The following UGT1A8 variants were observed in gnomAD, a reference collection of about 807,000 sequenced individuals.
UGT1A8 encodes UDP-glucuronosyltransferase 1A8.
A neutral mutation model predicts 45.3 loss-of-function variants in UGT1A8; 39 were observed. The ratio of observed to expected loss-of-function variants is 0.86; its 90% confidence interval spans 0.67 to 1.12. The LOEUF (loss-of-function observed/expected upper bound fraction) is 1.12. Ranked by LOEUF, UGT1A8 falls within the 50% of genes most tolerant of loss-of-function variation. The probability of loss-of-function intolerance (pLI) is 0.00; values close to 1 mark genes in which losing one functional copy is unlikely to be tolerated. For synonymous variants in UGT1A8, 275 were observed against 249.2 expected, an observed-to-expected ratio of 1.10 and a Z score of -0.97; for missense variants, 719 against 664.9, an observed-to-expected ratio of 1.08 and a Z score of -0.90.
At chr2:233,684,518 AT>A (rs1229903576) in intron 1 of UGT1A8, among the ~76,000 whole-genome samples, 3 of 152,210 alleles carry the variant, frequency 2.0e-5, no homozygotes, top group Non-Finnish European at 2.9e-5. Context: ...TGTAGAAATT[AT>A]ATATGATTCT....
At chr2:233,679,958 G>T (rs2074468382) in intron 1 of UGT1A8, among the ~76,000 whole-genome samples, 1 of 152,112 alleles carries the variant, frequency 6.6e-6, no homozygotes, top group Non-Finnish European at 1.5e-5. Flanking sequence ...TTTGGCTCCT[G>T]CTGGCATAGC....
intron 1 of UGT1A8, chr2:233,729,151 C>T (rs780105483): frequency 1.2e-6 from 2 of 1,613,562 alleles, no homozygotes; most frequent in Non-Finnish European, 1.7e-6. Flanking sequence ...CCAGGTTCCC[C>T]TGCCGTGGCT....
intron 1 of UGT1A8, among the ~76,000 whole-genome samples, chr2:233,677,531 G>C (rs577920647): frequency 5.6e-4 from 85 of 152,158 alleles, no homozygotes; most frequent in Non-Finnish European, 1.0e-3. Flanking sequence ...AATGCAGCTA[G>C]CTAGAGAAAA....
chr2:233,763,255 TTTGTC>T (rs2126002913), intron 1 of UGT1A8, among the ~76,000 whole-genome samples: 2 of 152,364 alleles, frequency 1.3e-5, no homozygotes, highest in Non-Finnish European at 2.9e-5. Context: ...AGTAACCTGT[TTTGTC>T]TTGTTGCATG....
chr2:233,624,625 G>A (rs1011728203), intron 1 of UGT1A8, among the ~76,000 whole-genome samples: 1 of 152,036 alleles, frequency 6.6e-6, no homozygotes, highest in Non-Finnish European at 1.5e-5. Flanking sequence ...TTGAAATGAG[G>A]TAGTGTTACC....
chr2:233,729,484 A>C, intron 1 of UGT1A8: 1 of 1,614,190 alleles, frequency 6.2e-7, no homozygotes, highest in Non-Finnish European at 8.5e-7. Context: ...GTTGAACAAT[A>C]TGTCTTTGGT....
intron 1 of UGT1A8, chr2:233,730,108 C>T (rs1261016305): frequency 1.3e-6 from 2 of 1,570,456 alleles, no homozygotes; most frequent in Non-Finnish European, 1.7e-6. Flanking sequence ...TTCATTTCTG[C>T]TTCTCCTTGT....
At chr2:233,755,761 TG>T (rs1696013090) in intron 1 of UGT1A8, 1 of 152,946 alleles carries the variant, frequency 6.5e-6, no homozygotes, top group South Asian at 2.1e-4. Flanking sequence ...CATTTGCTTT[TG>T]TTCATCTGGA....
intron 1 of UGT1A8, among the ~76,000 whole-genome samples, chr2:233,631,631 G>GTCTTC (rs1321989975): frequency 6.6e-6 from 1 of 152,092 alleles, no homozygotes; most frequent in East Asian, 1.9e-4. Flanking sequence ...TTGTATAAAT[G>GTCTTC]TCTTCTTTTG....
chr2:233,630,718 T>A (rs1410103716), intron 1 of UGT1A8, among the ~76,000 whole-genome samples: 2 of 151,754 alleles, frequency 1.3e-5, no homozygotes, highest in African/African-American at 4.8e-5. Context: ...TGGCACATAC[T>A]TTTTTATTTT....
In UGT1A8 at chr2:233,766,922, G is replaced by A. The variant is rs955173337; in HGVS notation, c.856-112G>A. The A allele has an allele frequency of 8.3e-6, 13 of 1,559,654 alleles. No individual in the cohort carries two copies. The Middle Eastern group carries it at 1.0e-3, about 123-fold the overall frequency. On this transcript the variant is annotated intron_variant, in intron 1 of 4. Transcript: ENST00000373450. ...TAATTTTTTACTCTATCTCAAACAC[G>A]CATGCCTTTAATCATAGTCTTAAGA...
chr2:233,762,171 C>T (rs564011835), intron 1 of UGT1A8, among the ~76,000 whole-genome samples: 29 of 152,266 alleles, frequency 1.9e-4, no homozygotes, highest in African/African-American at 6.5e-4. Flanking sequence ...CTGTATGCGG[C>T]GTCCTCAACA....
chr2:233,675,530 C>T (rs903544612), intron 1 of UGT1A8, among the ~76,000 whole-genome samples: 1 of 152,106 alleles, frequency 6.6e-6, no homozygotes, highest in Non-Finnish European at 1.5e-5. Context: ...GTGCTTCCCC[C>T]CTTGCTGTAA....
chr2:233,650,237 T>C (rs2125475310), intron 1 of UGT1A8, among the ~76,000 whole-genome samples: 1 of 152,222 alleles, frequency 6.6e-6, no homozygotes, highest in East Asian at 1.9e-4. Flanking sequence ...CCCAAAGTGC[T>C]GGGATTACAG....
rs45489204 is a variant in UGT1A8 at position 233,712,384 on chromosome 2, G to A, written c.856-54650G>A. 7.4e-3 allele frequency among the ~76,000 whole-genome samples: 1,134 copies of A among 152,260 alleles called. 41 individuals are homozygous for A. Among genetic ancestry groups the A allele is most frequent in the Admixed American group, 0.052 (796 of 15,282 alleles). On this transcript the variant is annotated intron_variant, in intron 1 of 4. Coordinates refer to ENST00000373450, the MANE Select transcript of UGT1A8 (RefSeq NM_019076.5). ...CCCTGCAGCTTTTTTTATATTGACA[G>A]CCACTTCAGAGAGAGTCCTCTTTGA...
chr2:233,661,623 T>TTTTCTTTCCTTCTTTC (rs1553602618), intron 1 of UGT1A8, among the ~76,000 whole-genome samples: 176 of 124,046 alleles, frequency 1.4e-3, no homozygotes, highest in African/African-American at 5.3e-3. Flanking sequence ...ACTTACTGAA[T>TTTTCTTTCCTTCTTTC]TTTCTTTCTT....
At chr2:233,730,394 T>C (rs1343780073) in intron 1 of UGT1A8, among the ~76,000 whole-genome samples, 2 of 152,242 alleles carry the variant, frequency 1.3e-5, no homozygotes, top group Non-Finnish European at 2.9e-5. Context: ...GATGCAACAG[T>C]AAATTACAAT....
At chr2:233,755,293 G>C in intron 1 of UGT1A8, 7 of 641,420 alleles carry the variant, frequency 1.1e-5, no homozygotes, top group Non-Finnish European at 1.7e-5. Context: ...AGAGCCTGCG[G>C]GGCACTGGCA....
At chr2:233,631,597 G>A (rs10168259) in intron 1 of UGT1A8, among the ~76,000 whole-genome samples, 2 of 151,986 alleles carry the variant, frequency 1.3e-5, no homozygotes, top group Non-Finnish European at 2.9e-5. Context: ...AGTGATGATC[G>A]GCTTTTTTTG....
Sources: allele counts gnomAD v4.1 joint callset (sites outside exome capture counted in the v4.1 genomes callset), GRCh38; gene constraint gnomAD v4.1.1; transcripts MANE v1.5; gene names NCBI Gene and HGNC (gene_info 2026-07-23, HGNC 2026-07-21).